GUCY1A2: variants seen among roughly 807,000 people sequenced by gnomAD.
GUCY1A2 encodes guanylate cyclase 1 soluble subunit alpha 2.
GUCY1A2 carries 27 observed loss-of-function variants against 63.5 expected under a neutral mutation model. The ratio of observed to expected loss-of-function variants is 0.43; its 90% CI spans 0.31 to 0.59. The LOEUF (loss-of-function observed/expected upper bound fraction) is 0.59. Ranked by LOEUF, GUCY1A2 falls within the 20% of genes least tolerant of loss-of-function variation. The pLI is 0.11. For missense variants in GUCY1A2, 768 were observed against 913.3 expected, an observed-to-expected ratio of 0.84 and a Z score of 2.05; for synonymous variants, 364 against 343.5, an observed-to-expected ratio of 1.06 and a Z score of -0.66.
chr11:106,996,316 T>C (rs1861534985), intron 1 of GUCY1A2, among the ~76,000 whole-genome samples: 1 of 152,332 alleles, frequency 6.6e-6, no homozygotes, highest in Non-Finnish European at 1.5e-5. Flanking sequence ...ATGGGCCCTC[T>C]GTCACAGTGA....
chr11:106,840,128 CATCT>C (rs1859176245), intron 4 of GUCY1A2, among the ~76,000 whole-genome samples: 1 of 151,886 alleles, frequency 6.6e-6, no homozygotes, highest in Non-Finnish European at 1.5e-5. Context: ...TGTGTCCCTC[CATCT>C]ATACATTCAC....
chr11:106,929,271 T>G (rs916522353), intron 4 of GUCY1A2, among the ~76,000 whole-genome samples: 1 of 152,156 alleles, frequency 6.6e-6, no homozygotes, highest in African/African-American at 2.4e-5. Context: ...TTATTCATCA[T>G]AGATCATAGA....
intron 4 of GUCY1A2, among the ~76,000 whole-genome samples, chr11:106,837,086 G>A (rs1116707): frequency 0.91 from 138,525 of 151,882 alleles, 63,251 homozygotes; most frequent in East Asian, 1. Context: ...AGGTTATTTC[G>A]TCACCCAGGT....
chr11:106,824,812 C>T (rs1201381593), intron 4 of GUCY1A2: 19 of 1,571,982 alleles, frequency 1.2e-5, no homozygotes, highest in Middle Eastern at 1.7e-4. Context: ...TAGGCTGAAT[C>T]GTCTCAAACT....
At chr11:106,988,951 G>A (rs921960018) in intron 1 of GUCY1A2, among the ~76,000 whole-genome samples, 8 of 152,164 alleles carry the variant, frequency 5.3e-5, no homozygotes, top group Non-Finnish European at 8.8e-5. Flanking sequence ...ACCCACAAAC[G>A]GGCCAAAGCC....
At chr11:106,781,129 A>AAAAAG (rs755100655) in intron 5 of GUCY1A2, among the ~76,000 whole-genome samples, 64 of 145,302 alleles carry the variant, frequency 4.4e-4, no homozygotes, top group South Asian at 6.5e-4. Context: ...AAAAAAAAAA[A>AAAAAG]AAAAGAAAAA....
intron 4 of GUCY1A2, among the ~76,000 whole-genome samples, chr11:106,824,481 T>C (rs1565301458): frequency 6.6e-6 from 1 of 152,098 alleles, no homozygotes; most frequent in South Asian, 2.1e-4. Flanking sequence ...TTACTAATAG[T>C]TGAGAAGTCT....
At chr11:106,796,495 G>T (rs1028778754) in intron 5 of GUCY1A2, among the ~76,000 whole-genome samples, 1 of 151,812 alleles carries the variant, frequency 6.6e-6, no homozygotes, top group African/African-American at 2.4e-5. Flanking sequence ...CTCAGCATTT[G>T]CTTGTCTGTA....
rs1863444718 is a variant in GUCY1A2, at chr11:106,728,416, G to GAGAT, written c.1837-19754_1837-19751dup. ...AGTAGACTCTGACAATTCTCCTGAA[G>GAGAT]AGATAGAGAAGACACCTCTTTGGAA... On this transcript the variant is annotated intron_variant, in intron 6 of 7. Transcript: ENST00000526355. Among the ~76,000 whole-genome samples, 2 of 152,120 alleles carry GAGAT rather than the reference G, an allele frequency of 1.3e-5. 1 individual carries two copies. The highest frequency in any genetic ancestry group is 4.1e-4 in the South Asian group (2 of 4,828).
intron 7 of GUCY1A2, among the ~76,000 whole-genome samples, chr11:106,703,910 CAATT>C (rs1862861171): frequency 6.6e-6 from 1 of 151,752 alleles, no homozygotes; most frequent in African/African-American, 2.4e-5. Context: ...GTACATAATT[CAATT>C]AATCATGTGA....
chr11:106,885,761 C>G (rs1423929384), intron 4 of GUCY1A2, among the ~76,000 whole-genome samples: 2 of 152,086 alleles, frequency 1.3e-5, no homozygotes, highest in East Asian at 3.9e-4. Flanking sequence ...TTTTAAAGCT[C>G]TATACAAATG....
At chr11:106,774,201 C>A (rs1049853826) in intron 6 of GUCY1A2, among the ~76,000 whole-genome samples, 1 of 151,840 alleles carries the variant, frequency 6.6e-6, no homozygotes, top group Non-Finnish European at 1.5e-5. Flanking sequence ...TGGCGCATCT[C>A]GGTTCACGGC....
chr11:107,007,115 G>A (rs1861681393), intron 1 of GUCY1A2, among the ~76,000 whole-genome samples: 1 of 149,602 alleles, frequency 6.7e-6, no homozygotes, highest in Non-Finnish European at 1.5e-5. Context: ...ACTACTCATT[G>A]GAACCATAAA....
chr11:106,911,265 C>A lies in GUCY1A2; in HGVS notation c.1206+28195G>T, dbSNP rs1860289945. Among the ~76,000 whole-genome samples the A allele has an allele frequency of 2.0e-5, 3 of 151,996 alleles. No homozygotes were observed. In the South Asian group the frequency reaches 6.2e-4, roughly 31 times the overall value. Reference sequence around the variant, plus strand: ...CAATAGCCACTTCTACTGAAGACTACTAGAAAACTGAGCCCAAAGTAAGAG... The same window carrying A: ...CAATAGCCACTTCTACTGAAGACTAATAGAAAACTGAGCCCAAAGTAAGAG... On this transcript the variant is annotated intron_variant, in intron 4 of 7. Transcript: ENST00000526355.
rs148626676 is a variant in GUCY1A2 at position 106,974,053 on chromosome 11, C to A, written c.487+4566G>T. Among the ~76,000 whole-genome samples the A allele has an allele frequency of 3.0e-3, 463 of 152,138 alleles. 1 individual carries two copies. Among genetic ancestry groups the A allele is most frequent in the African/African-American group, 0.011 (443 of 41,538 alleles). On this transcript the variant is annotated intron_variant, in intron 3 of 7. Transcript: ENST00000526355. The stretch of plus-strand genomic sequence containing the variant: ...GTAAGTAGCTGAGATGCATTTTCAA[C>A]CCAAGTAGTCTGGCTCCAGTCTTGC...
intron 7 of GUCY1A2, among the ~76,000 whole-genome samples, chr11:106,703,398 A>C (rs1418057120): frequency 6.6e-6 from 1 of 152,206 alleles, no homozygotes; most frequent in African/African-American, 2.4e-5. Context: ...AGAAATTACC[A>C]TGGATTATCC....
intron 6 of GUCY1A2, among the ~76,000 whole-genome samples, chr11:106,714,981 G>C: frequency 6.6e-6 from 1 of 152,032 alleles, no homozygotes; most frequent in Non-Finnish European, 1.5e-5. Flanking sequence ...TTTTAAGAGA[G>C]TGTTCATGGA....
chr11:106,944,697 T>C (rs1860802469), intron 3 of GUCY1A2, among the ~76,000 whole-genome samples: 1 of 152,136 alleles, frequency 6.6e-6, no homozygotes, highest in African/African-American at 2.4e-5. Context: ...AGAAATAAAT[T>C]TTAACAATGA....
intron 4 of GUCY1A2, among the ~76,000 whole-genome samples, chr11:106,836,900 T>C (rs1429622912): frequency 1.3e-5 from 2 of 152,004 alleles, no homozygotes. Flanking sequence ...TCAGTGTTTT[T>C]GTGCATAAGT....
Sources: allele counts gnomAD v4.1 joint callset (sites outside exome capture counted in the v4.1 genomes callset), GRCh38; gene constraint gnomAD v4.1.1; transcripts MANE v1.5; gene names NCBI Gene and HGNC (gene_info 2026-07-23, HGNC 2026-07-21).